Variants in CCSER1 observed in about 807,000 individuals in gnomAD.
CCSER1 encodes the protein coiled-coil serine rich protein 1.
In CCSER1, 41 loss-of-function variants were observed where a neutral mutation model predicts 82.0. The ratio of observed to expected loss-of-function variants is 0.50; its 90% CI spans 0.39 to 0.65. The LOEUF (loss-of-function observed/expected upper bound fraction) is 0.65, where lower values mean the gene tolerates loss of function less well. Ranked by LOEUF, CCSER1 falls within the 30% of genes least tolerant of loss-of-function variation. The pLI, the probability that CCSER1 is intolerant of heterozygous loss-of-function variation, is 0.00. For missense variants in CCSER1, 1,119 were observed against 1,064.2 expected (o/e 1.05, Z -0.72); for synonymous variants, 414 against 383.9 (o/e 1.08, Z -0.92).
intron 10 of CCSER1, among the ~76,000 whole-genome samples, chr4:91,598,298 A>G (rs1169135807): frequency 1.3e-5 from 2 of 152,156 alleles, no homozygotes; most frequent in African/African-American, 4.8e-5. Flanking sequence ...TAATAAAATA[A>G]TCTGTATTTT....
intron 1 of CCSER1, among the ~76,000 whole-genome samples, chr4:90,206,914 G>C (rs1387824818): frequency 6.6e-6 from 1 of 151,972 alleles, no homozygotes; most frequent in Non-Finnish European, 1.5e-5. Flanking sequence ...TTGTTGCATT[G>C]ATCCCTTTAC....
intron 10 of CCSER1, among the ~76,000 whole-genome samples, chr4:91,381,330 C>T (rs1439201033): frequency 6.6e-6 from 1 of 152,104 alleles, no homozygotes; most frequent in Non-Finnish European, 1.5e-5. Flanking sequence ...TGGATAATAT[C>T]CTGCAGAGTG....
chr4:91,394,256 T>C (rs1442846490), intron 10 of CCSER1, among the ~76,000 whole-genome samples: 4 of 152,084 alleles, frequency 2.6e-5, no homozygotes, highest in Non-Finnish European at 5.9e-5. Context: ...AAAAATTAAA[T>C]ATTATAGAAA....
chr4:90,794,320 A>G (rs920639612), intron 7 of CCSER1, among the ~76,000 whole-genome samples: 26 of 152,154 alleles, frequency 1.7e-4, no homozygotes, highest in African/African-American at 6.3e-4. Flanking sequence ...TCTTTAATCC[A>G]TCTTGAGTAG....
chr4:90,276,192 TTCTTTC>T (rs1727517892), intron 1 of CCSER1, among the ~76,000 whole-genome samples: 1 of 34,590 alleles, frequency 2.9e-5, no homozygotes, highest in African/African-American at 1.0e-4. Flanking sequence ...ACTGTTTTCT[TTCTTTC>T]TTTCTTTCTT....
At chr4:90,751,249 A>G (rs943460677) in intron 7 of CCSER1, among the ~76,000 whole-genome samples, 3 of 152,180 alleles carry the variant, frequency 2.0e-5, no homozygotes, top group African/African-American at 7.2e-5. Context: ...CAAAAAATAC[A>G]GGATGAGATT....
At chr4:90,328,440 T>A (rs2153493536) in intron 3 of CCSER1, among the ~76,000 whole-genome samples, 1 of 152,318 alleles carries the variant, frequency 6.6e-6, no homozygotes, top group South Asian at 2.1e-4. Flanking sequence ...TCCCCTTCTG[T>A]GTCTAAAGTC....
chr4:91,043,884 G>A (rs1376906289), intron 9 of CCSER1, among the ~76,000 whole-genome samples: 1 of 152,128 alleles, frequency 6.6e-6, no homozygotes, highest in Non-Finnish European at 1.5e-5. Flanking sequence ...AACCACGCCT[G>A]GCTCAGACTT....
At chr4:90,390,615 G>T (rs1228743814) in intron 3 of CCSER1, among the ~76,000 whole-genome samples, 3 of 152,136 alleles carry the variant, frequency 2.0e-5, no homozygotes, top group Admixed American at 1.3e-4. Flanking sequence ...ACATGCTTTT[G>T]TCCTTTTTTA....
chr4:90,731,143 G>A (rs1388597352), intron 7 of CCSER1, among the ~76,000 whole-genome samples: 5 of 152,144 alleles, frequency 3.3e-5, no homozygotes, highest in Non-Finnish European at 7.4e-5. Flanking sequence ...CATTTTGAAT[G>A]TGGGGTCAGC....
At chr4:90,902,295 A>G (rs1046918437) in intron 8 of CCSER1, among the ~76,000 whole-genome samples, 1 of 151,724 alleles carries the variant, frequency 6.6e-6, no homozygotes, top group Non-Finnish European at 1.5e-5. Context: ...GTCATTTTAG[A>G]TTTTTAATTT....
At chr4:91,053,039 C>T (rs1743142184) in intron 9 of CCSER1, among the ~76,000 whole-genome samples, 1 of 152,006 alleles carries the variant, frequency 6.6e-6, no homozygotes, top group South Asian at 2.1e-4. Context: ...ATACACCAAG[C>T]TGAAGTGGGA....
intron 10 of CCSER1, among the ~76,000 whole-genome samples, chr4:91,380,145 C>T (rs1295685267): frequency 1.3e-5 from 2 of 152,098 alleles, no homozygotes; most frequent in Admixed American, 6.6e-5. Context: ...TTTACATTTG[C>T]TGAGGAGTGC....
chr4:90,920,451 T>C (rs961909215), intron 8 of CCSER1, among the ~76,000 whole-genome samples: 1 of 151,988 alleles, frequency 6.6e-6, no homozygotes, highest in African/African-American at 2.4e-5. Flanking sequence ...AATTTTGAAG[T>C]AGTAGTTGTT....
chr4:90,886,687 C>T (rs191947704), intron 8 of CCSER1, among the ~76,000 whole-genome samples: 1 of 152,230 alleles, frequency 6.6e-6, no homozygotes, highest in Admixed American at 6.5e-5. Context: ...CCTCGTTTTA[C>T]TGATCAGAAA....
intron 1 of CCSER1, among the ~76,000 whole-genome samples, chr4:90,269,348 G>A (rs1225723856): frequency 6.6e-6 from 1 of 151,966 alleles, no homozygotes; most frequent in South Asian, 2.1e-4. Context: ...CTTTGATCAT[G>A]ATTGAATAAA....
At chr4:91,325,619 A>T (rs1187102428) in intron 10 of CCSER1, among the ~76,000 whole-genome samples, 1 of 152,190 alleles carries the variant, frequency 6.6e-6, no homozygotes, top group African/African-American at 2.4e-5. Flanking sequence ...AGATTCTGGT[A>T]AAATAAAAGT....
intron 1 of CCSER1, among the ~76,000 whole-genome samples, chr4:90,138,934 A>C (rs1724211941): frequency 6.6e-6 from 1 of 152,192 alleles, no homozygotes; most frequent in Non-Finnish European, 1.5e-5. Context: ...TTCATTCAGT[A>C]AACAAATGTT....
intron 7 of CCSER1, among the ~76,000 whole-genome samples, chr4:90,776,026 T>C (rs927058626): frequency 6.6e-6 from 1 of 152,014 alleles, no homozygotes; most frequent in East Asian, 1.9e-4. Flanking sequence ...CAGCATGCAA[T>C]GCATCTGTCT....
Sources: gnomAD v4.1 joint callset for allele counts (sites outside exome capture counted in the v4.1 genomes callset) on GRCh38, gnomAD v4.1.1 for gene constraint, MANE v1.5 for transcripts, NCBI Gene and HGNC (gene_info 2026-07-23, HGNC 2026-07-21) for gene names.